Variants in RALGAPA1 observed in about 807,000 individuals in gnomAD.
RALGAPA1 encodes Ral GTPase activating protein catalytic subunit alpha 1, also known as ral GTPase-activating protein subunit alpha-1.
In RALGAPA1, 52 loss-of-function variants were observed where a neutral mutation model predicts 269.6. The observed-to-expected ratio is 0.19, with a 90% CI of 0.15 to 0.24. The LOEUF is 0.24. Among genes scored for constraint, RALGAPA1 ranks in the 10% least tolerant of loss-of-function variants. The pLI is 1.00. For missense variants in RALGAPA1, 1,917 were observed against 3,013.9 expected (o/e 0.64, Z 8.52); for synonymous variants, 817 against 1,008.3 (o/e 0.81, Z 3.60).
In RALGAPA1 at chr14:35,686,177, G is replaced by A. The variant is rs866357515; in HGVS notation, c.4077+365C>T. Among the ~76,000 whole-genome samples the A allele has an allele frequency of 6.7e-4, 102 of 151,262 alleles. No homozygotes were observed. In the Middle Eastern group the frequency reaches 0.01, roughly 15 times the overall value. On this transcript the variant is annotated intron_variant, in intron 19 of 41. Transcript: ENST00000680220. ...ATTTATTTATATAACTACGGGAGCT[G>A]GGGCAGAAGACCTCCATTGCTATCT...
intron 1 of RALGAPA1, among the ~76,000 whole-genome samples, chr14:35,789,554 T>C (rs189268766): frequency 2.0e-5 from 3 of 152,146 alleles, no homozygotes; most frequent in Non-Finnish European, 2.9e-5. Flanking sequence ...ATCGTGCCAC[T>C]GCACTGCAGC....
rs2067874601 is a variant in RALGAPA1 at position 35,707,083 on chromosome 14, T to C, written c.2267-6781A>G. 3 of 152,196 alleles carry C rather than the reference T, an allele frequency of 2.0e-5. No homozygotes were observed. In the South Asian group the frequency reaches 6.2e-4, roughly 31 times the overall value. The allele number at this position is 152,196 out of a possible 1,614,324, so 9.4% of individuals were successfully genotyped here. ...ATATTTTGCTAGATTTATACCTAAT[T>C]GTTTTGGAGATTTTTGATGCTAATG... On this transcript the variant is annotated intron_variant, in intron 16 of 41. Transcript: ENST00000680220.
intron 16 of RALGAPA1, among the ~76,000 whole-genome samples, chr14:35,709,934 C>T (rs147776693): frequency 2.7e-4 from 41 of 152,186 alleles, no homozygotes; most frequent in Middle Eastern, 3.4e-3. Flanking sequence ...ATGTTTAAGG[C>T]ATGTTTTATG....
At chr14:35,754,158 C>T (rs574909987) in intron 7 of RALGAPA1, among the ~76,000 whole-genome samples, 2 of 152,140 alleles carry the variant, frequency 1.3e-5, no homozygotes, top group Non-Finnish European at 1.5e-5. Flanking sequence ...AAGAACAAAA[C>T]GTAGGAGAAT....
chr14:35,549,544 T>TTG (rs886290062), intron 39 of RALGAPA1, among the ~76,000 whole-genome samples: 1 of 152,102 alleles, frequency 6.6e-6, no homozygotes, highest in African/African-American at 2.4e-5. Context: ...AGGATTCAAT[T>TTG]TCTATCAGGA....
chr14:35,758,479 C>T (rs2073397468), intron 6 of RALGAPA1, among the ~76,000 whole-genome samples: 1 of 151,902 alleles, frequency 6.6e-6, no homozygotes. Flanking sequence ...ATCTTACAGA[C>T]TAAAAAGCAA....
intron 10 of RALGAPA1, among the ~76,000 whole-genome samples, chr14:35,744,286 G>T (rs142721425): frequency 6.6e-6 from 1 of 150,422 alleles, no homozygotes; most frequent in Non-Finnish European, 1.5e-5. Flanking sequence ...CAGGAGAATC[G>T]CTTGAACCCG....
chr14:35,574,001 A>C (rs1397928440), intron 37 of RALGAPA1, among the ~76,000 whole-genome samples: 1 of 152,232 alleles, frequency 6.6e-6, no homozygotes, highest in African/African-American at 2.4e-5. Context: ...CATATGCTGT[A>C]CATGTTACAA....
At chr14:35,745,432 C>G (rs1331046300) in intron 10 of RALGAPA1, among the ~76,000 whole-genome samples, 1 of 151,546 alleles carries the variant, frequency 6.6e-6, no homozygotes, top group Non-Finnish European at 1.5e-5. Context: ...GACACACACA[C>G]ACACACACAC....
chr14:35,721,759 T>G lies in RALGAPA1; in HGVS notation c.2195A>C (p.Gln732Pro). 1 of 1,613,152 alleles carries G rather than the reference T, an allele frequency of 6.2e-7. No individual in the cohort carries two copies. ...RDQPGQAPMR[Q>P]RSATTTGSPG... ...AGAACCAGTGGTTGTTGCACTCCTCTGTCTCATTGGGGCTTGGCCAGGCTG... is the reference window on the plus strand; with the variant it reads ...AGAACCAGTGGTTGTTGCACTCCTCGGTCTCATTGGGGCTTGGCCAGGCTG... Residue 732 changes from glutamine to proline, a missense_variant, in exon 16 of 42, where the codon CAG (glutamine) becomes CCG (proline). Around this residue, in one of 11 missense-constraint regions of RALGAPA1, gnomAD observed 125 missense variants for 155.7 expected, o/e 0.80. Coordinates refer to ENST00000680220, the MANE Select transcript of RALGAPA1 (RefSeq NM_001346249.2).
chr14:35,713,231 G>C (rs1322783422), intron 16 of RALGAPA1, among the ~76,000 whole-genome samples: 2 of 152,206 alleles, frequency 1.3e-5, no homozygotes, highest in African/African-American at 4.8e-5. Flanking sequence ...GATAGCAGCA[G>C]TGAAAATGTA....
At chr14:35,758,243 C>CAAAAAAAAAAA (rs66473514) in intron 6 of RALGAPA1, among the ~76,000 whole-genome samples, 5 of 49,742 alleles carry the variant, frequency 1.0e-4, no homozygotes, top group East Asian at 5.1e-4. Flanking sequence ...GACTCTGTCT[C>CAAAAAAAAAAA]AAAAAAAAAA....
chr14:35,789,556 C>T (rs2076014371), intron 1 of RALGAPA1, among the ~76,000 whole-genome samples: 1 of 151,954 alleles, frequency 6.6e-6, no homozygotes, highest in South Asian at 2.1e-4. Flanking sequence ...CGTGCCACTG[C>T]ACTGCAGCCT....
At chr14:35,542,086 A>T in intron 41 of RALGAPA1, 1 of 945,544 alleles carries the variant, frequency 1.1e-6, no homozygotes, top group African/African-American at 1.7e-5. Flanking sequence ...TCTATGAGAG[A>T]TTCTGTAAAT....
At chr14:35,739,524 T>C (rs1279052830) in intron 11 of RALGAPA1, among the ~76,000 whole-genome samples, 2 of 152,126 alleles carry the variant, frequency 1.3e-5, no homozygotes, top group East Asian at 3.9e-4. Flanking sequence ...TTAAAATAAG[T>C]TTATTAATCA....
At chr14:35,682,115 T>C (rs147665749) in intron 21 of RALGAPA1, among the ~76,000 whole-genome samples, 11 of 152,346 alleles carry the variant, frequency 7.2e-5, no homozygotes, top group East Asian at 5.8e-4. Flanking sequence ...AAAGCTGCCA[T>C]GATCTTTTGC....
rs1283099556 is a variant in RALGAPA1, at chr14:35,572,713, T to C, written c.7215A>G (p.Arg2405=). The change falls in exon 38 of 42, where the codon AGA becomes AGG. Residue 2405 remains arginine, a synonymous_variant. Transcript: ENST00000680220. The part of the protein sequence containing the change: ...DSDDSLTKKL[R]HLGNDEVHIV... ...TGTGCACTTCATCATTTCCCAAATG[T>C]CTCAACTGGAAAGACAAGAAAACAA... 1 of 1,598,096 alleles carries C rather than the reference T, an allele frequency of 6.3e-7. No individual in the cohort carries two copies.
chr14:35,616,085 TAAA>T lies in RALGAPA1; in HGVS notation c.6929+9273_6929+9275del, dbSNP rs2060235648. ...GGCAAGAAGAGACAGAGTTGAGAGA[TAAA>T]AAGAAGAATGGACATCATGATTATG... On this transcript the variant is annotated intron_variant, in intron 35 of 41. Transcript: ENST00000680220. Among the ~76,000 whole-genome samples the T allele has an allele frequency of 3.3e-5, 5 of 151,578 alleles. 1 individual carries two copies. In the South Asian group the frequency reaches 1.0e-3, roughly 31 times the overall value.
At chr14:35,755,211 T>C (rs565054799) in intron 7 of RALGAPA1, among the ~76,000 whole-genome samples, 1 of 151,848 alleles carries the variant, frequency 6.6e-6, no homozygotes, top group South Asian at 2.1e-4. Flanking sequence ...AAGTTTTAGT[T>C]CGCCAGGCTC....
Sources: allele counts gnomAD v4.1 joint callset (sites outside exome capture counted in the v4.1 genomes callset), GRCh38; gene constraint gnomAD v4.1.1; regional missense constraint gnomAD v4.1.1; transcripts MANE v1.5; gene names NCBI Gene and HGNC (gene_info 2026-07-23, HGNC 2026-07-21).